Variants in LARP1 observed in about 807,000 individuals in gnomAD.
LARP1 encodes la-related protein 1.
Under a neutral mutation model 122.7 loss-of-function variants are expected in LARP1, and 36 were observed. The observed-to-expected ratio is 0.29, with a 90% CI of 0.22 to 0.39. The LOEUF is 0.39. Ranked by LOEUF, LARP1 falls within the 10% of genes least tolerant of loss-of-function variation. The probability of loss-of-function intolerance (pLI) is 1.00; values close to 1 mark genes in which losing one functional copy is unlikely to be tolerated. For synonymous variants in LARP1, 539 were observed against 528.7 expected (o/e 1.02, Z -0.27); for missense variants, 1,040 against 1,403.6 (o/e 0.74, Z 4.14).
At chr5:154,701,449 C>T (rs1754706659) in intron 1 of LARP1, among the ~76,000 whole-genome samples, 1 of 152,108 alleles carries the variant, frequency 6.6e-6, no homozygotes, top group Non-Finnish European at 1.5e-5. Context: ...GAAGCCTCCC[C>T]TCCCCATGTT....
intron 1 of LARP1, among the ~76,000 whole-genome samples, chr5:154,749,007 C>T (rs1291305950): frequency 6.6e-6 from 1 of 152,194 alleles, no homozygotes; most frequent in Non-Finnish European, 1.5e-5. Flanking sequence ...TACATATTTA[C>T]TGAGTTAAAG....
At chr5:154,774,416 G>A (rs563194514) in intron 1 of LARP1, among the ~76,000 whole-genome samples, 4 of 152,268 alleles carry the variant, frequency 2.6e-5, no homozygotes, top group Admixed American at 6.5e-5. Context: ...GGAGTGAGGG[G>A]GTGCCTTGGT....
chr5:154,735,836 G>T (rs1331233037), intron 1 of LARP1, among the ~76,000 whole-genome samples: 1 of 151,928 alleles, frequency 6.6e-6, no homozygotes, highest in Admixed American at 6.6e-5. Context: ...CTCCTAAAGT[G>T]CTGGGATTAC....
At chr5:154,697,034 G>A (rs993580752) in intron 1 of LARP1, among the ~76,000 whole-genome samples, 1 of 152,130 alleles carries the variant, frequency 6.6e-6, no homozygotes, top group Non-Finnish European at 1.5e-5. Context: ...TTTCAGAGGA[G>A]CAGAGAGTTG....
intron 15 of LARP1, 87 bp downstream of exon 15, chr5:154,806,119 ACT>A (rs1758757022): frequency 4.3e-6 from 6 of 1,398,668 alleles, no homozygotes; most frequent in Middle Eastern, 2.3e-4. Flanking sequence ...GGGATAGGTG[ACT>A]CTTTTCTCTG....
upstream of LARP1, among the ~76,000 whole-genome samples, chr5:154,750,541 G>C (rs1561563484): frequency 6.6e-6 from 1 of 152,152 alleles, no homozygotes; most frequent in Non-Finnish European, 1.5e-5. Context: ...CAAAGTGTTG[G>C]GATTACAGGT....
At position 154,793,822 on chromosome 5, in the gene LARP1, G is replaced by A. The variant is rs750691566; in HGVS notation, c.891G>A (p.Val297=). The A allele has an allele frequency of 6.2e-7, 1 of 1,614,120 alleles. No homozygotes were observed. The highest frequency in any genetic ancestry group is 1.7e-5 in the Admixed American group (1 of 60,018). ...TAGGGTCTGAGTCTGCCACCTACGT[G>A]CCCGTGGCCCCCCCCACCCCAGCCT... ...EIKGSESATY[V]PVAPPTPAWQ... is the part of the protein sequence containing the mutation. Residue 297 remains valine (V), a synonymous_variant, in exon 6 of 19, where the codon GTG becomes GTA. Coordinates refer to ENST00000518297, the MANE Select transcript of LARP1 (RefSeq NM_033551.3).
intron 1 of LARP1, among the ~76,000 whole-genome samples, chr5:154,736,039 C>G (rs1756875348): frequency 6.6e-6 from 1 of 152,000 alleles, no homozygotes; most frequent in Non-Finnish European, 1.5e-5. Flanking sequence ...TCTGCCTCAG[C>G]CTCTCAAGTA....
At chr5:154,710,701 G>A (rs368309232), upstream of LARP1, among the ~76,000 whole-genome samples, 1 of 142,884 alleles carries the variant, frequency 7.0e-6, no homozygotes, top group Non-Finnish European at 1.5e-5. Context: ...CAAGATCGCG[G>A]CACAGCACTC....
chr5:154,723,801 T>A (rs1268560348), intron 1 of LARP1, among the ~76,000 whole-genome samples: 1 of 152,176 alleles, frequency 6.6e-6, no homozygotes, highest in Non-Finnish European at 1.5e-5. Flanking sequence ...GATTCTGTGC[T>A]CTTAATTACT....
At chr5:154,692,579 A>G (rs965896592) in intron 1 of LARP1, among the ~76,000 whole-genome samples, 1 of 151,960 alleles carries the variant, frequency 6.6e-6, no homozygotes, top group Admixed American at 6.6e-5. Flanking sequence ...GTTCTTACAC[A>G]CCCTTTAAAG....
At chr5:154,779,817 A>G (rs529862063) in intron 1 of LARP1, among the ~76,000 whole-genome samples, 154 of 151,932 alleles carry the variant, frequency 1.0e-3, no homozygotes, top group Non-Finnish European at 2.0e-3. Flanking sequence ...CCCCCTCTAC[A>G]TTCTCTAAAG....
At chr5:154,800,676 A>G (rs1485711434) in intron 10 of LARP1, among the ~76,000 whole-genome samples, 1 of 152,180 alleles carries the variant, frequency 6.6e-6, no homozygotes, top group African/African-American at 2.4e-5. Context: ...TAAAATTACT[A>G]CTTCCTTTTT....
chr5:154,744,279 G>A (rs1235827544), intron 1 of LARP1, among the ~76,000 whole-genome samples: 1 of 152,116 alleles, frequency 6.6e-6, no homozygotes, highest in Admixed American at 6.6e-5. Flanking sequence ...CTCCAGGAAG[G>A]CTTCCCTGAC....
At chr5:154,800,373 G>C (rs1758250519) in intron 10 of LARP1, among the ~76,000 whole-genome samples, 1 of 152,084 alleles carries the variant, frequency 6.6e-6, no homozygotes, top group Non-Finnish European at 1.5e-5. Flanking sequence ...AATTTCTGGG[G>C]CTGCGTTTTT....
In LARP1 at chr5:154,816,170, T is replaced by C. The variant is rs941413954; in HGVS notation, c.*2074T>C. The C allele has an allele frequency of 1.1e-4, 17 of 152,794 alleles. No homozygotes were observed. The highest frequency in any genetic ancestry group is 7.8e-4 in the Admixed American group (12 of 15,294). The allele number at this position is 152,794 out of a possible 1,614,324, so 9.5% of individuals were successfully genotyped here. On this transcript the variant is annotated 3_prime_UTR_variant, in exon 19 of 19. Transcript: ENST00000518297. ...TCTCAAACCAAGGATGAGCGTCTGGTCTCTGCTATGATGGTGGTATCCGAG... is the reference window on the plus strand; with the variant it reads ...TCTCAAACCAAGGATGAGCGTCTGGCCTCTGCTATGATGGTGGTATCCGAG...
At chr5:154,778,330 CT>C (rs913094981) in intron 1 of LARP1, among the ~76,000 whole-genome samples, 23 of 151,826 alleles carry the variant, frequency 1.5e-4, no homozygotes, top group Admixed American at 5.2e-4. Context: ...TTGGGTACCC[CT>C]GTCAGTTTAA....
Position 154,755,583 on chromosome 5 carries a change from G to T in LARP1, c.-175G>T. 1.0e-6 allele frequency: 1 copy of T among 987,248 alleles called. No homozygotes were observed. The highest frequency in any genetic ancestry group is 1.2e-6 in the Non-Finnish European group (1 of 830,078). 61.2% of individuals were successfully genotyped at this position (987,248 alleles called of 1,614,324 possible). ...CCCCGCTAGTGGGCCTCGGATTTAC[G>T]GCGGCTGCATCTAACTGGGAGGGGG... On this transcript the variant is annotated 5_prime_UTR_variant, in exon 1 of 19. Transcript: ENST00000518297.
intron 1 of LARP1, among the ~76,000 whole-genome samples, chr5:154,763,885 G>A (rs1480594694): frequency 7.2e-5 from 11 of 152,032 alleles, no homozygotes; most frequent in East Asian, 1.9e-4. Context: ...ATGGTGGTGC[G>A]TGCCTGTAAT....
Sources: gnomAD v4.1 joint callset for allele counts (sites outside exome capture counted in the v4.1 genomes callset) on GRCh38, gnomAD v4.1.1 for gene constraint, MANE v1.5 for transcripts, NCBI Gene and HGNC (gene_info 2026-07-23, HGNC 2026-07-21) for gene names.